The following TMEM266 variants were observed in gnomAD, a reference collection of about 807,000 sequenced individuals.
TMEM266 encodes Hv1 related protein 1.
TMEM266 carries 33 observed loss-of-function variants against 50.5 expected under a neutral mutation model. The ratio of observed to expected loss-of-function variants is 0.65; its 90% CI spans 0.50 to 0.87. TMEM266 has a LOEUF of 0.87. Among genes scored for constraint, TMEM266 ranks in the 40% least tolerant of loss-of-function variants. The pLI is 0.00. For missense variants in TMEM266, 655 were observed against 695.1 expected, an observed-to-expected ratio of 0.94 and a Z score of 0.65; for synonymous variants, 310 against 292.3, an observed-to-expected ratio of 1.06 and a Z score of -0.62.
intron 1 of TMEM266, among the ~76,000 whole-genome samples, chr15:76,103,119 G>A (rs1179908864): frequency 6.6e-6 from 1 of 152,132 alleles, no homozygotes; most frequent in Non-Finnish European, 1.5e-5. Flanking sequence ...TTTGGACCAG[G>A]ATGAGAGAGG....
intron 1 of TMEM266, among the ~76,000 whole-genome samples, chr15:76,107,102 TTTTCTA>T (rs775239393): frequency 6.6e-6 from 1 of 152,198 alleles, no homozygotes; most frequent in Non-Finnish European, 1.5e-5. Context: ...CCATTTAAAA[TTTTCTA>T]GTTAGCACAT....
chr15:76,199,683 C>T (rs1396463354), intron 9 of TMEM266, among the ~76,000 whole-genome samples: 1 of 152,162 alleles, frequency 6.6e-6, no homozygotes, highest in African/African-American at 2.4e-5. Context: ...TCAATAATCA[C>T]GGCCTTTTAG....
rs148774197 is a variant in TMEM266, at chr15:76,191,954, G to C, written c.769-14G>C. The C allele has an allele frequency of 2.5e-6, 4 of 1,572,554 alleles. No individual in the cohort carries two copies. Among genetic ancestry groups the C allele is most frequent in the South Asian group, 1.1e-5 (1 of 87,616 alleles). On this transcript the variant is annotated splice_polypyrimidine_tract_variant and intron_variant, in intron 8 of 10. Coordinates refer to ENST00000388942, the MANE Select transcript of TMEM266 (RefSeq NM_152335.3). ...CCTCGCCGCTGATTCAGCCTTGCCC[G>C]TCTCCCTCCGCAGTTTGAGATCCGG...
intron 3 of TMEM266, among the ~76,000 whole-genome samples, chr15:76,148,641 A>C (rs368701282): frequency 2.0e-4 from 31 of 152,262 alleles, no homozygotes; most frequent in African/African-American, 7.5e-4. Flanking sequence ...TGTCCCCCCA[A>C]GAAGGGACAG....
chr15:76,186,555 C>A (rs1292115120), intron 8 of TMEM266, among the ~76,000 whole-genome samples: 2 of 152,194 alleles, frequency 1.3e-5, no homozygotes, highest in East Asian at 3.8e-4. Flanking sequence ...GCAGGTTGTC[C>A]TCTCCCTCAC....
chr15:76,192,226 C>T, intron 9 of TMEM266, 69 bp downstream of exon 9: 2 of 1,343,150 alleles, frequency 1.5e-6, no homozygotes, highest in South Asian at 1.7e-5. Flanking sequence ...CCTCTCGCGC[C>T]CCGGGACTGT....
intron 1 of TMEM266, among the ~76,000 whole-genome samples, chr15:76,062,691 T>C (rs2036327419): frequency 6.6e-6 from 1 of 152,186 alleles, no homozygotes; most frequent in African/African-American, 2.4e-5. Context: ...TCTGCTGTCT[T>C]CCATTCAAGC....
At chr15:76,171,481 G>A (rs1007443874) in intron 7 of TMEM266, among the ~76,000 whole-genome samples, 1 of 152,172 alleles carries the variant, frequency 6.6e-6, no homozygotes, top group Non-Finnish European at 1.5e-5. Context: ...TGGGCGTCTC[G>A]ATGCACACCT....
intron 1 of TMEM266, among the ~76,000 whole-genome samples, chr15:76,068,107 A>T (rs1365190835): frequency 6.6e-6 from 1 of 152,214 alleles, no homozygotes; most frequent in Non-Finnish European, 1.5e-5. Context: ...CCTCCAATTG[A>T]CAGTCATCAT....
At chr15:76,113,326 A>C (rs1191844576) in intron 1 of TMEM266, 1 of 152,358 alleles carries the variant, frequency 6.6e-6, no homozygotes, top group Non-Finnish European at 1.5e-5. Flanking sequence ...AATAAAAAAT[A>C]AAAGAAAGAA....
At chr15:76,162,750 C>T (rs546422361) in intron 5 of TMEM266, among the ~76,000 whole-genome samples, 2 of 152,272 alleles carry the variant, frequency 1.3e-5, no homozygotes, top group Middle Eastern at 3.4e-3. Context: ...CTGGGAAGGA[C>T]CTGAGAAAGA....
At chr15:76,135,053 C>T (rs559975582) in intron 2 of TMEM266, among the ~76,000 whole-genome samples, 186 of 152,328 alleles carry the variant, frequency 1.2e-3, no homozygotes, top group African/African-American at 4.4e-3. Context: ...CAGAAATTCA[C>T]AGAGCCTTTT....
chr15:76,192,178 G>A (rs957176330), intron 9 of TMEM266, 21 bp downstream of exon 9: 12 of 1,390,766 alleles, frequency 8.6e-6, no homozygotes, highest in African/African-American at 1.5e-5. Flanking sequence ...GTCTCCACCC[G>A]GCCCCAGAGT....
chr15:76,135,934 A>G (rs1596126888), intron 2 of TMEM266, among the ~76,000 whole-genome samples: 1 of 147,816 alleles, frequency 6.8e-6, no homozygotes, highest in African/African-American at 2.5e-5. Context: ...GGATAACTGC[A>G]GCTGTGGGTT....
chr15:76,190,973 C>T (rs1366241348), intron 8 of TMEM266, among the ~76,000 whole-genome samples: 1 of 152,144 alleles, frequency 6.6e-6, no homozygotes, highest in Non-Finnish European at 1.5e-5. Flanking sequence ...AGCCCGCGGC[C>T]GGGACCTGCA....
intron 4 of TMEM266, among the ~76,000 whole-genome samples, chr15:76,158,769 G>A (rs917513493): frequency 2.0e-5 from 3 of 152,178 alleles, no homozygotes; most frequent in Non-Finnish European, 4.4e-5. Flanking sequence ...CAGCCTCTTC[G>A]TTCCCACTGG....
intron 1 of TMEM266, among the ~76,000 whole-genome samples, chr15:76,093,044 G>A (rs2036872033): frequency 6.6e-6 from 1 of 151,634 alleles, no homozygotes; most frequent in Non-Finnish European, 1.5e-5. Flanking sequence ...CTGACCTCGT[G>A]ATCCACCCGC....
chr15:76,074,719 G>A (rs1253185429), intron 1 of TMEM266, among the ~76,000 whole-genome samples: 1 of 152,024 alleles, frequency 6.6e-6, no homozygotes, highest in South Asian at 2.1e-4. Context: ...GAGATGGTTT[G>A]AGAAGAGTCA....
chr15:76,148,380 C>G (rs757085767), intron 3 of TMEM266, among the ~76,000 whole-genome samples: 7 of 152,126 alleles, frequency 4.6e-5, no homozygotes, highest in African/African-American at 1.7e-4. Context: ...TCGTTCTCAC[C>G]CGGTAGGAAG....
Sources: allele counts gnomAD v4.1 joint callset (sites outside exome capture counted in the v4.1 genomes callset), GRCh38; gene constraint gnomAD v4.1.1; transcripts MANE v1.5; gene names NCBI Gene and HGNC (gene_info 2026-07-23, HGNC 2026-07-21).